FKBP14: variants seen among roughly 807,000 people sequenced by gnomAD.
FKBP14 encodes the protein peptidyl-prolyl cis-trans isomerase FKBP14.
Under a neutral mutation model 21.6 loss-of-function variants are expected in FKBP14, and 20 were observed. The observed-to-expected ratio is 0.92, with a 90% CI of 0.65 to 1.34. The LOEUF is 1.34. Ranked by LOEUF, FKBP14 falls within the 40% of genes most tolerant of loss-of-function variation. FKBP14 has a pLI of 0.00. For missense variants in FKBP14, 253 were observed against 249.0 expected, an observed-to-expected ratio of 1.02 and a Z score of -0.11; for synonymous variants, 79 against 86.7, an observed-to-expected ratio of 0.91 and a Z score of 0.49.
chr7:30,008,060 A>G (rs1303362363), downstream of FKBP14, among the ~76,000 whole-genome samples: 1 of 152,150 alleles, frequency 6.6e-6, no homozygotes, highest in Non-Finnish European at 1.5e-5. Flanking sequence ...ACAACAACAA[A>G]AACTGCAGAT....
In FKBP14 at chr7:30,014,835, T is replaced by C; in HGVS notation, c.536A>G (p.His179Arg). The change falls in exon 4 of 4, where the codon CAT (histidine) becomes CGT (arginine). Residue 179 changes from histidine to arginine, a missense_variant. Physicochemically the swap from His to Arg is conservative, Grantham distance 29. Transcript: ENST00000222803. ...EKHGAVVNES[H>R]HDALVEDIFD... ...AATATCCTCCACCAAAGCATCATGA[T>C]GACTTTCATTCACCACCGCACCATG... 1 of 1,612,010 alleles carries C rather than the reference T, an allele frequency of 6.2e-7. No individual in the cohort carries two copies. Among genetic ancestry groups the C allele is most frequent in the Non-Finnish European group, 8.5e-7 (1 of 1,179,432 alleles).
chr7:30,022,560 T>C, intron 2 of FKBP14, 105 bp downstream of exon 2: 1 of 1,192,054 alleles, frequency 8.4e-7, no homozygotes, highest in Non-Finnish European at 1.2e-6. Context: ...TACCCCCTAT[T>C]AACTTCCAGG....
At chr7:30,007,314 A>G (rs1238041681), downstream of FKBP14, among the ~76,000 whole-genome samples, 2 of 150,894 alleles carry the variant, frequency 1.3e-5, no homozygotes, top group Non-Finnish European at 2.9e-5. Flanking sequence ...AATTCAAGCA[A>G]TTCTCCTGCC....
At chr7:30,024,398 T>C (rs1309436871) in intron 1 of FKBP14, among the ~76,000 whole-genome samples, 2 of 152,200 alleles carry the variant, frequency 1.3e-5, no homozygotes, top group African/African-American at 4.8e-5. Context: ...ACTGATCATT[T>C]GATGGTATTT....
chr7:30,017,019 C>T (rs936160367), intron 3 of FKBP14, among the ~76,000 whole-genome samples: 1 of 151,898 alleles, frequency 6.6e-6, no homozygotes, highest in Non-Finnish European at 1.5e-5. Flanking sequence ...AACGACAAAA[C>T]AGCATGTATA....
At chr7:30,007,025 T>G (rs1340239191), downstream of FKBP14, among the ~76,000 whole-genome samples, 2 of 152,266 alleles carry the variant, frequency 1.3e-5, no homozygotes, top group Non-Finnish European at 2.9e-5. Flanking sequence ...GTGCCACGGC[T>G]GATGCCCAGC....
chr7:30,026,378 C>T lies in FKBP14; in HGVS notation c.131G>A (p.Gly44Glu). 6.2e-7 allele frequency: 1 copy of T among 1,614,170 alleles called. No individual in the cohort carries two copies. Among genetic ancestry groups the T allele is most frequent in the Admixed American group, 1.7e-5 (1 of 60,026 alleles). ...KPFICHRKTK[G>E]GDLMLVHYEG... ...ATAGTGGACCAACATCAAATCCCCTCCTTTGGTCTTGCGATGGCAGATGAA... is the reference window on the plus strand; with the variant it reads ...ATAGTGGACCAACATCAAATCCCCTTCTTTGGTCTTGCGATGGCAGATGAA... The change falls in exon 1 of 4, where the codon GGA becomes GAA. Residue 44 changes from glycine to glutamate, a missense_variant. Transcript: ENST00000222803.
At position 30,026,080 on chromosome 7, in the gene FKBP14, T is replaced by TA. The variant is rs149742997; in HGVS notation, c.197+231dup. On this transcript the variant is annotated intron_variant, in intron 1 of 3. Transcript: ENST00000222803. ...AAGATTCTAGTTCTAATTTGTATAA[T>TA]AAAAAAAATTAACAGCCTTTTCCAG... 4.1e-3 allele frequency among the ~76,000 whole-genome samples: 629 copies of TA among 152,214 alleles called. 5 individuals are homozygous for TA. Among genetic ancestry groups the TA allele is most frequent in the Admixed American group, 0.029 (441 of 15,288 alleles).
In FKBP14 at chr7:30,014,820, A is replaced by C. The variant is rs1188947863; in HGVS notation, c.551T>G (p.Val184Gly). Residue 184 changes from valine (V) to glycine (G), a missense_variant, in exon 4 of 4, where the codon GTG becomes GGG. By Grantham distance (109) the Val-to-Gly change is moderately radical (BLOSUM62 -3). Coordinates refer to ENST00000222803, the MANE Select transcript of FKBP14 (RefSeq NM_017946.4). The stretch of plus-strand genomic sequence containing the variant: ...ATCTTCTTTATCAAAAATATCCTCC[A>C]CCAAAGCATCATGATGACTTTCATT... ...VVNESHHDAL[V>G]EDIFDKEDED... The C allele has an allele frequency of 6.2e-7, 1 of 1,611,408 alleles. No homozygotes were observed. The highest frequency in any genetic ancestry group is 8.5e-7 in the Non-Finnish European group (1 of 1,179,178).
Position 30,014,909 on chromosome 7 carries a change from TC to T in FKBP14, c.478-17del. On this transcript the variant is annotated splice_polypyrimidine_tract_variant and intron_variant, in intron 3 of 3. Transcript: ENST00000222803. ...ATGCTTTAACCTACAAAATAACAGA[TC>T]CCATTAATAACTTGGATTCATAAGA... The T allele has an allele frequency of 6.5e-7, 1 of 1,550,130 alleles. No individual in the cohort carries two copies.
intron 2 of FKBP14, among the ~76,000 whole-genome samples, chr7:30,020,792 GAT>G (rs1790010672): frequency 6.6e-6 from 1 of 152,058 alleles, no homozygotes; most frequent in African/African-American, 2.4e-5. Flanking sequence ...AGACAATAAA[GAT>G]AAAATGAAAA....
rs371838963 is a variant in FKBP14 at position 30,026,470 on chromosome 7, G to A, written c.39C>T (p.Phe13=). ...LFLWNAVLTL[F]VTSLIGALIP... ...TCAAAGCCCCAATCAAAGAAGTGAC[G>A]AACAGAGTCAAGACCGCGTTCCACA... Residue 13 remains phenylalanine, a synonymous_variant, in exon 1 of 4, where the codon TTC becomes TTT. Coordinates refer to ENST00000222803, the MANE Select transcript of FKBP14 (RefSeq NM_017946.4). 35 of 1,613,874 alleles carry A rather than the reference G, an allele frequency of 2.2e-5. No homozygotes were observed. The highest frequency in any genetic ancestry group is 2.9e-5 in the Non-Finnish European group (34 of 1,179,902).
rs201579172 is a variant in FKBP14, at chr7:30,019,087, A to G, written c.386T>C (p.Ile129Thr). The change falls in exon 3 of 4, where the codon ATT becomes ACT. Residue 129 changes from isoleucine (I) to threonine (T), a missense_variant. By Grantham distance (89) the Ile-to-Thr change is moderately conservative (BLOSUM62 -1). Coordinates refer to ENST00000222803, the MANE Select transcript of FKBP14 (RefSeq NM_017946.4). The part of the protein sequence containing the change: ...IPPESTLIFN[I>T]DLLEIRNGPR... ...TCCATTTCGAATCTCCAGGAGATCAATATTAAATATCAGTGTACTTTCTGG... is the reference window on the plus strand; with the variant it reads ...TCCATTTCGAATCTCCAGGAGATCAGTATTAAATATCAGTGTACTTTCTGG... 17 of 1,588,168 alleles carry G rather than the reference A, an allele frequency of 1.1e-5. No homozygotes were observed. Among genetic ancestry groups the G allele is most frequent in the Admixed American group, 1.9e-5 (1 of 52,876 alleles).
In FKBP14 at chr7:30,026,446, C is replaced by T; in HGVS notation, c.63G>A (p.Leu21=). 2.5e-6 allele frequency: 4 copies of T among 1,614,128 alleles called. No homozygotes were observed. Among genetic ancestry groups the T allele is most frequent in the Non-Finnish European group, 3.4e-6 (4 of 1,179,996 alleles). Residue 21 remains leucine (L), a synonymous_variant, in exon 1 of 4, where the codon TTG becomes TTA. Transcript: ENST00000222803. ...TLFVTSLIGA[L]IPEPEVKIEV... is the part of the protein sequence containing the mutation. ...CAATTTTCACTTCTGGTTCAGGGAT[C>T]AAAGCCCCAATCAAAGAAGTGACGA...
At chr7:30,008,758 C>T (rs988142988), downstream of FKBP14, among the ~76,000 whole-genome samples, 10 of 151,544 alleles carry the variant, frequency 6.6e-5, no homozygotes, top group African/African-American at 1.2e-4. Flanking sequence ...AGGCCGATCA[C>T]GAGGTCAGGA....
intron 1 of FKBP14, among the ~76,000 whole-genome samples, chr7:30,023,530 G>T (rs573312006): frequency 2.6e-5 from 4 of 152,286 alleles, no homozygotes; most frequent in African/African-American, 4.8e-5. Flanking sequence ...CTCCTCAGGG[G>T]TCTACAGTGG....
rs548151524 is a variant in FKBP14, at chr7:30,014,498, G to A, written c.*237C>T. On this transcript the variant is annotated 3_prime_UTR_variant, in exon 4 of 4. Coordinates refer to ENST00000222803, the MANE Select transcript of FKBP14 (RefSeq NM_017946.4). Reference sequence around the variant, plus strand: ...AAAACAAAGCTTCATATCTGTGAAAGTGAAAAATTGTCCAGAAGTCTTCTA... The same window carrying A: ...AAAACAAAGCTTCATATCTGTGAAAATGAAAAATTGTCCAGAAGTCTTCTA... The A allele has an allele frequency of 1.8e-4, 51 of 278,746 alleles. No homozygotes were observed. The highest frequency in any genetic ancestry group is 2.6e-4 in the Non-Finnish European group (39 of 151,582). 17.3% of individuals were successfully genotyped at this position (278,746 alleles called of 1,614,324 possible).
intron 2 of FKBP14, among the ~76,000 whole-genome samples, chr7:30,022,218 G>A (rs1212271899): frequency 1.3e-5 from 2 of 152,220 alleles, no homozygotes; most frequent in African/African-American, 2.4e-5. Flanking sequence ...AAACACTTAC[G>A]TTAATGGATC....
In FKBP14 at chr7:30,012,895, A is replaced by G. The variant is rs947756574; in HGVS notation, c.*1840T>C. The G allele has an allele frequency of 2.0e-5, 3 of 152,200 alleles. No individual in the cohort carries two copies. The highest frequency in any genetic ancestry group is 7.2e-5 in the African/African-American group (3 of 41,450). The allele number at this position is 152,200 out of a possible 1,614,324, so 9.4% of individuals were successfully genotyped here. A position where few individuals can be genotyped will look rare whatever the true frequency, so the allele number is the denominator to read the frequency against. On this transcript the variant is annotated 3_prime_UTR_variant, in exon 4 of 4. Coordinates refer to ENST00000222803, the MANE Select transcript of FKBP14 (RefSeq NM_017946.4). The stretch of plus-strand genomic sequence containing the variant: ...GACCCCAGGGAAATTTTCACTTTTC[A>G]TTAGTAGAGGGCAGTAGAAGACACT...
Sources: allele counts gnomAD v4.1 joint callset (sites outside exome capture counted in the v4.1 genomes callset), GRCh38; gene constraint gnomAD v4.1.1; transcripts MANE v1.5; gene names NCBI Gene and HGNC (gene_info 2026-07-23, HGNC 2026-07-21).